NFE2L2: variants seen among roughly 807,000 people sequenced by gnomAD.
The protein encoded by NFE2L2 is nuclear factor erythroid 2-related factor 2.
Under a neutral mutation model 49.6 loss-of-function variants are expected in NFE2L2, and 20 were observed. The ratio of observed to expected loss-of-function variants is 0.40; its 90% CI spans 0.28 to 0.59. NFE2L2 has a LOEUF of 0.59. Among genes scored for constraint, NFE2L2 ranks in the 20% least tolerant of loss-of-function variants. The pLI is 0.40. For synonymous variants in NFE2L2, 244 were observed against 256.5 expected (o/e 0.95, Z 0.47); for missense variants, 578 against 714.2 (o/e 0.81, Z 2.17).
At chr2:177,235,880 C>G (rs1427979217) in intron 1 of NFE2L2, among the ~76,000 whole-genome samples, 2 of 152,204 alleles carry the variant, frequency 1.3e-5, no homozygotes, top group East Asian at 3.8e-4. Context: ...GCATAGGAAC[C>G]ACATCCAGAT....
At position 177,231,794 on chromosome 2, in the gene NFE2L2, G is replaced by A. The variant is rs778033173; in HGVS notation, c.809C>T (p.Ser270Leu). ...GTTGACTGTGGCATCTGAATTTAAT[G>A]AGTTCACTGTCAACTGGTTGGGGTC... ...TEDPNQLTVN[S>L]LNSDATVNTD... Residue 270 changes from serine (S) to leucine (L), a missense_variant, in exon 5 of 5, where the codon TCA (serine) becomes TTA (leucine). By Grantham distance (145) the Ser-to-Leu change is moderately radical. This residue lies in a region of NFE2L2 where 368 missense variants were observed against 384.6 expected (regional missense o/e 0.96). Transcript: ENST00000397062. 4.2e-5 allele frequency: 68 copies of A among 1,614,120 alleles called. No individual in the cohort carries two copies. Among genetic ancestry groups the A allele is most frequent in the Non-Finnish European group, 5.3e-5 (63 of 1,180,044 alleles).
intron 1 of NFE2L2, among the ~76,000 whole-genome samples, chr2:177,249,552 A>G (rs1231872199): frequency 1.3e-5 from 2 of 152,260 alleles, no homozygotes; most frequent in African/African-American, 2.4e-5. Context: ...AGCAGCACTA[A>G]TAGAAATATA....
chr2:177,258,687 A>T (rs1690619468), intron 1 of NFE2L2, among the ~76,000 whole-genome samples: 1 of 152,244 alleles, frequency 6.6e-6, no homozygotes, highest in Non-Finnish European at 1.5e-5. Context: ...CATAAGTAAG[A>T]CAAGTATCAA....
intron 1 of NFE2L2, among the ~76,000 whole-genome samples, chr2:177,243,669 G>A (rs1432058180): frequency 6.6e-6 from 1 of 152,028 alleles, no homozygotes; most frequent in South Asian, 2.1e-4. Context: ...CACCATGCCT[G>A]GTTAATTTTT....
At chr2:177,261,305 A>G (rs1015018789) in intron 1 of NFE2L2, among the ~76,000 whole-genome samples, 2 of 152,194 alleles carry the variant, frequency 1.3e-5, no homozygotes, top group African/African-American at 4.8e-5. Context: ...TGTATTTAAC[A>G]AGGTCCACCT....
chr2:177,243,914 A>G (rs1186437438), intron 1 of NFE2L2, among the ~76,000 whole-genome samples: 5 of 152,092 alleles, frequency 3.3e-5, no homozygotes, highest in Non-Finnish European at 7.4e-5. Flanking sequence ...TACTGCTGCT[A>G]GCCGGAGACC....
chr2:177,237,003 T>G (rs1013165855), intron 1 of NFE2L2, among the ~76,000 whole-genome samples: 1 of 152,164 alleles, frequency 6.6e-6, no homozygotes, highest in Non-Finnish European at 1.5e-5. Context: ...TAGCTGGGAC[T>G]ACAGGCACAT....
intron 1 of NFE2L2, among the ~76,000 whole-genome samples, chr2:177,259,533 GTTAT>G (rs1690650232): frequency 6.6e-6 from 1 of 152,178 alleles, no homozygotes; most frequent in South Asian, 2.1e-4. Context: ...ATAGTTAAGA[GTTAT>G]TTATTATGGC....
At chr2:177,263,462 C>T in intron 1 of NFE2L2, 1 of 985,502 alleles carries the variant, frequency 1.0e-6, no homozygotes, top group Non-Finnish European at 1.2e-6. Context: ...AATTCTGAAA[C>T]GCTAAATCCA....
At chr2:177,258,528 A>C (rs1459145325) in intron 1 of NFE2L2, among the ~76,000 whole-genome samples, 2 of 152,146 alleles carry the variant, frequency 1.3e-5, no homozygotes, top group East Asian at 3.8e-4. Flanking sequence ...TGGTTGCATA[A>C]CTCTATGAAT....
intron 1 of NFE2L2, chr2:177,263,377 T>G (rs1424923370): frequency 1.0e-6 from 1 of 985,104 alleles, no homozygotes; most frequent in Non-Finnish European, 1.2e-6. Context: ...GCAACAGAAA[T>G]TCTAATCTAC....
chr2:177,233,745 G>A (rs1362003418), intron 2 of NFE2L2: 1 of 565,498 alleles, frequency 1.8e-6, no homozygotes, highest in Non-Finnish European at 3.1e-6. Context: ...GATCCTTACA[G>A]GATGTTTCTA....
In NFE2L2 at chr2:177,231,027, C is replaced by T. The variant is rs543741573; in HGVS notation, c.1576G>A (p.Glu526Lys). The T allele has an allele frequency of 6.2e-7, 1 of 1,613,544 alleles. No individual in the cohort carries two copies. Among genetic ancestry groups the T allele is most frequent in the South Asian group, 1.1e-5 (1 of 90,826 alleles). ...KRKLENIVEL[E>K]QDLDHLKDEK... ...TCTTTCAAATGATCTAAATCTTGCT[C>T]TAGTTCTACTATATTTTCCAGTTTT... The change falls in exon 5 of 5, where the codon GAG (glutamate) becomes AAG (lysine). Residue 526 changes from glutamate to lysine, a missense_variant. Around this residue, in one of 3 missense-constraint regions of NFE2L2, gnomAD observed 117 missense variants for 175.8 expected, o/e 0.67. Transcript: ENST00000397062.
At chr2:177,240,724 T>C (rs1004127265) in intron 1 of NFE2L2, among the ~76,000 whole-genome samples, 7 of 152,192 alleles carry the variant, frequency 4.6e-5, no homozygotes, top group African/African-American at 1.2e-4. Flanking sequence ...ACAAACATCT[T>C]TGTACCAGGA....
intron 1 of NFE2L2, among the ~76,000 whole-genome samples, chr2:177,256,880 G>T (rs946430828): frequency 6.6e-6 from 1 of 152,178 alleles, no homozygotes; most frequent in South Asian, 2.1e-4. Flanking sequence ...CACCATCTGT[G>T]GGGTGGGTGT....
At position 177,234,193 on chromosome 2, in the gene NFE2L2, G is replaced by T. The variant is rs769685782; in HGVS notation, c.124C>A (p.Arg42=). 1 of 1,613,866 alleles carries T rather than the reference G, an allele frequency of 6.2e-7. No homozygotes were observed. Among genetic ancestry groups the T allele is most frequent in the Non-Finnish European group, 8.5e-7 (1 of 1,179,998 alleles). ...TTTTCCAGCTCATACTCTTTCCGTC[G>T]CTGACTGAAGTCAAATACTTCTCGA... is the stretch of plus-strand genomic sequence containing the variant. ...VSREVFDFSQ[R]RKEYELEKQK... The change falls in exon 2 of 5, where the codon CGA becomes AGA. Residue 42 remains arginine (R), a synonymous_variant. Transcript: ENST00000397062.
intron 1 of NFE2L2, among the ~76,000 whole-genome samples, chr2:177,246,763 CTAATA>C (rs1450551588): frequency 7.3e-6 from 1 of 137,782 alleles, no homozygotes; most frequent in Non-Finnish European, 1.5e-5. Flanking sequence ...CTATGCCTGG[CTAATA>C]TTTTACTTTT....
At chr2:177,246,251 A>T (rs1280624650) in intron 1 of NFE2L2, among the ~76,000 whole-genome samples, 1 of 152,194 alleles carries the variant, frequency 6.6e-6, no homozygotes, top group Non-Finnish European at 1.5e-5. Flanking sequence ...TCCCTTGCAT[A>T]GGGAGAGTTT....
At chr2:177,233,883 T>G (rs1689648728) in intron 2 of NFE2L2, 122 bp downstream of exon 2, 19 of 1,331,056 alleles carry the variant, frequency 1.4e-5, no homozygotes, top group South Asian at 1.0e-4. Context: ...GGTTGGAAAG[T>G]AGATTTGACA....
Sources: allele counts gnomAD v4.1 joint callset (sites outside exome capture counted in the v4.1 genomes callset), GRCh38; gene constraint gnomAD v4.1.1; regional missense constraint gnomAD v4.1.1; transcripts MANE v1.5; gene names NCBI Gene and HGNC (gene_info 2026-07-23, HGNC 2026-07-21).